SCUBE1: variants seen among roughly 807,000 people sequenced by gnomAD.
SCUBE1 encodes the protein signal peptide, CUB and EGF-like domain-containing protein 1.
SCUBE1 carries 59 observed loss-of-function variants against 124.4 expected under a neutral mutation model. That is an observed-to-expected ratio of 0.47 (90% CI 0.38 to 0.59). The LOEUF (loss-of-function observed/expected upper bound fraction) is 0.59, where lower values mean the gene tolerates loss of function less well. Ranked by LOEUF, SCUBE1 falls within the 20% of genes least tolerant of loss-of-function variation. The pLI, the probability that SCUBE1 is intolerant of heterozygous loss-of-function variation, is 0.00. For missense variants in SCUBE1, 1,150 were observed against 1,371.2 expected (o/e 0.84, Z 2.55); for synonymous variants, 545 against 550.9 (o/e 0.99, Z 0.15).
In SCUBE1 at chr22:43,301,659, C is replaced by T. The variant is rs191884673; in HGVS notation, c.350-10479G>A. On this transcript the variant is annotated intron_variant, in intron 3 of 21. Transcript: ENST00000360835. The stretch of plus-strand genomic sequence containing the variant: ...TCCCTCCCCTGCTTCCTTCAGAGCA[C>T]GCCCCCACCCACCTGGAATCTTCCT... Among the ~76,000 whole-genome samples the T allele has an allele frequency of 7.2e-5, 11 of 152,326 alleles. 1 individual carries two copies. In the East Asian group the frequency reaches 1.2e-3, roughly 16 times the overall value.
chr22:43,322,574 T>C (rs139916110), intron 2 of SCUBE1, among the ~76,000 whole-genome samples: 25 of 152,346 alleles, frequency 1.6e-4, no homozygotes, highest in Non-Finnish European at 3.1e-4. Context: ...TGGCCACTTA[T>C]TTTCACTACC....
In SCUBE1 at chr22:43,319,848, G is replaced by A. The variant is rs1226661351; in HGVS notation, c.349+89C>T. On this transcript the variant is annotated intron_variant, in intron 3 of 21. Transcript: ENST00000360835. ...CTAATACAGGAAGCCAAAGGAAGGA[G>A]AACCTTCTCATGGCTCCCAACTCTG... 2.0e-6 allele frequency: 3 copies of A among 1,497,352 alleles called. No individual in the cohort carries two copies. The Admixed American group carries it at 5.9e-5, about 30-fold the overall frequency. 92.8% of individuals were successfully genotyped at this position (1,497,352 alleles called of 1,614,324 possible).
At chr22:43,243,697 C>T (rs1016890938) in intron 6 of SCUBE1, among the ~76,000 whole-genome samples, 4 of 152,208 alleles carry the variant, frequency 2.6e-5, no homozygotes, top group South Asian at 2.1e-4. Flanking sequence ...TTCCACATGC[C>T]GGCTGTGTGA....
chr22:43,236,490 G>A (rs902847155), intron 7 of SCUBE1, among the ~76,000 whole-genome samples: 14 of 152,236 alleles, frequency 9.2e-5, no homozygotes, highest in Admixed American at 7.8e-4. Flanking sequence ...TGTGGCCAGT[G>A]TCAGTTCAAA....
intron 2 of SCUBE1, among the ~76,000 whole-genome samples, chr22:43,334,772 G>A (rs768967670): frequency 6.6e-6 from 1 of 152,088 alleles, no homozygotes; most frequent in Non-Finnish European, 1.5e-5. Flanking sequence ...CTTATATACA[G>A]CATCATATGT....
At chr22:43,228,816 G>A (rs913185208) in intron 9 of SCUBE1, among the ~76,000 whole-genome samples, 11 of 152,214 alleles carry the variant, frequency 7.2e-5, no homozygotes, top group Non-Finnish European at 1.3e-4. Context: ...TTCCAGCCCC[G>A]TGCCCATCTG....
Position 43,339,651 on chromosome 22 carries a change from A to G in SCUBE1, c.89-416T>C, listed in dbSNP as rs1266192879. ...CTTACTCTATCCCCCCACAAGCATC[A>G]CTCCAGCCCTCCCCCATTCTCCTCA... On this transcript the variant is annotated intron_variant, in intron 1 of 21. Coordinates refer to ENST00000360835, the MANE Select transcript of SCUBE1 (RefSeq NM_173050.5). Among the ~76,000 whole-genome samples the G allele has an allele frequency of 5.6e-3, 122 of 21,936 alleles. 1 individual carries two copies. Among genetic ancestry groups the G allele is most frequent in the African/African-American group, 0.022 (91 of 4,146 alleles). 14.4% of individuals were successfully genotyped at this position (21,936 alleles called of 152,430 possible). A position where few individuals can be genotyped will look rare whatever the true frequency, so the allele number is the denominator to read the frequency against.
chr22:43,257,378 G>A (rs945695864), intron 6 of SCUBE1, among the ~76,000 whole-genome samples: 5 of 152,138 alleles, frequency 3.3e-5, no homozygotes, highest in Admixed American at 3.3e-4. Context: ...GTTGAACTCC[G>A]GCACCAACTT....
intron 4 of SCUBE1, among the ~76,000 whole-genome samples, chr22:43,280,267 C>T (rs115907009): frequency 0.019 from 2,922 of 152,090 alleles, 99 homozygotes; most frequent in African/African-American, 0.068. Context: ...CCAGAGCCAC[C>T]GAAACTTAAA....
chr22:43,308,687 G>C (rs1926064593), intron 3 of SCUBE1, among the ~76,000 whole-genome samples: 1 of 152,204 alleles, frequency 6.6e-6, no homozygotes, highest in South Asian at 2.1e-4. Context: ...GGAGCATCTG[G>C]GCACTCGCCG....
chr22:43,277,192 G>A (rs998751041), intron 4 of SCUBE1, among the ~76,000 whole-genome samples: 1 of 152,164 alleles, frequency 6.6e-6, no homozygotes, highest in African/African-American at 2.4e-5. Flanking sequence ...GGGAGTTCCA[G>A]ACAGAGGGAG....
At position 43,209,020 on chromosome 22, in the gene SCUBE1, GGGTGAGGGGAA is replaced by G; in HGVS notation, c.2582-807_2582-797del. On this transcript the variant is annotated intron_variant, in intron 19 of 21. Transcript: ENST00000360835. ...GAGGGGATGCTGGGGGCAGGGGAAC[GGGTGAGGGGAA>G]CGGGTGGGGAATGTGGTCCCAGGCC... Among the ~76,000 whole-genome samples, 2 of 152,184 alleles carry G rather than the reference GGGTGAGGGGAA, an allele frequency of 1.3e-5. 1 individual carries two copies. Among genetic ancestry groups the G allele is most frequent in the South Asian group, 4.1e-4 (2 of 4,828 alleles).
chr22:43,256,165 T>C (rs1001586317), intron 6 of SCUBE1, among the ~76,000 whole-genome samples: 8 of 152,140 alleles, frequency 5.3e-5, no homozygotes, highest in East Asian at 1.9e-4. Flanking sequence ...TCCAATAGAA[T>C]AGACACAGAA....
chr22:43,247,682 G>A (rs929771407), intron 6 of SCUBE1, among the ~76,000 whole-genome samples: 5 of 152,218 alleles, frequency 3.3e-5, no homozygotes, highest in African/African-American at 1.2e-4. Context: ...GAGAGGCAAG[G>A]GTGGCTTGGA....
At chr22:43,243,428 G>A (rs562434121) in intron 6 of SCUBE1, among the ~76,000 whole-genome samples, 2 of 152,368 alleles carry the variant, frequency 1.3e-5, no homozygotes, top group East Asian at 3.9e-4. Flanking sequence ...TCTCTGGGGA[G>A]CTCCTGCTTT....
rs1920962518 is a variant in SCUBE1, at chr22:43,198,897, C to T, written c.*5100G>A. ...TCTGGGGCAGTTTGCTGTCTGCTTT[C>T]CGGGGCAGTTTGTCTGTCTGCTGTC... On this transcript the variant is annotated 3_prime_UTR_variant, in exon 22 of 22. Coordinates refer to ENST00000360835, the MANE Select transcript of SCUBE1 (RefSeq NM_173050.5). 1 of 373,528 alleles carries T rather than the reference C, an allele frequency of 2.7e-6. No homozygotes were observed. The highest frequency in any genetic ancestry group is 7.4e-5 in the East Asian group (1 of 13,592). The allele number at this position is 373,528 out of a possible 1,614,324, so 23.1% of individuals were successfully genotyped here.
At chr22:43,328,757 C>A (rs943158756) in intron 2 of SCUBE1, among the ~76,000 whole-genome samples, 4 of 152,132 alleles carry the variant, frequency 2.6e-5, no homozygotes, top group Non-Finnish European at 5.9e-5. Flanking sequence ...TCCGAATCCC[C>A]GGGTGGACTT....
intron 3 of SCUBE1, among the ~76,000 whole-genome samples, chr22:43,312,878 C>T (rs898795808): frequency 1.3e-5 from 2 of 152,248 alleles, no homozygotes; most frequent in Admixed American, 6.5e-5. Context: ...CCTGGCCAGC[C>T]TCCCGGAGCT....
chr22:43,310,930 C>T (rs1475693769), intron 3 of SCUBE1, among the ~76,000 whole-genome samples: 1 of 152,192 alleles, frequency 6.6e-6, no homozygotes, highest in East Asian at 1.9e-4. Flanking sequence ...TGGCGCACAC[C>T]TCCATCCCTG....
Sources: allele counts gnomAD v4.1 joint callset (sites outside exome capture counted in the v4.1 genomes callset), GRCh38; gene constraint gnomAD v4.1.1; transcripts MANE v1.5; gene names NCBI Gene and HGNC (gene_info 2026-07-23, HGNC 2026-07-21).